Variants in PLCD3 observed in about 807,000 individuals in gnomAD.
PLCD3 encodes phospholipase C delta 3, also known as 1-phosphatidylinositol 4,5-bisphosphate phosphodiesterase delta-3.
Under a neutral mutation model 82.8 loss-of-function variants are expected in PLCD3, and 62 were observed. The observed-to-expected ratio is 0.75, with a 90% CI of 0.61 to 0.93. The LOEUF is 0.93. Among genes scored for constraint, PLCD3 ranks in the 40% least tolerant of loss-of-function variants. PLCD3 has a pLI of 0.00. For missense variants in PLCD3, 1,023 were observed against 1,103.4 expected (o/e 0.93, Z 1.03); for synonymous variants, 478 against 471.8 (o/e 1.01, Z -0.17).
chr17:45,120,243 G>A lies in PLCD3; in HGVS notation c.684+82C>T, dbSNP rs2129731. ...AGCTGCAGGTGGAGAGGGCAGGGGA[G>A]CTGATGATTCAGATGGCTGGGGGCA... On this transcript the variant is annotated intron_variant, in intron 4 of 14. Transcript: ENST00000619929. 10,286 of 1,575,298 alleles carry A rather than the reference G, an allele frequency of 6.5e-3. 543 individuals are homozygous for A. In the African/African-American group the frequency reaches 0.12, roughly 18 times the overall value.
At position 45,116,743 on chromosome 17, in the gene PLCD3, G is replaced by T. The variant is rs369060547; in HGVS notation, c.1302C>A (p.Cys434Ter). The change falls in exon 8 of 15, where the codon TGC (cysteine) becomes TGA (stop). Residue 434 changes from cysteine (C) to a stop codon, truncating the protein, a stop_gained. Transcript: ENST00000619929. LOFTEE classifies it high-confidence loss of function. The stretch of plus-strand genomic sequence containing the variant: ...CCATGGCAGCCTGCTGCTCCAGCCC[G>T]CAGTGGTTCTCCAGGGATAGGATGA... ...YPVILSLENH[C>*]GLEQQAAMAR... 6.2e-7 allele frequency: 1 copy of T among 1,609,102 alleles called. No individual in the cohort carries two copies. The highest frequency in any genetic ancestry group is 1.3e-5 in the African/African-American group (1 of 74,716).
rs1440277715 is a variant in PLCD3 at position 45,112,104 on chromosome 17, C to T, written c.*512G>A. On this transcript the variant is annotated 3_prime_UTR_variant, in exon 15 of 15. Coordinates refer to ENST00000619929, the MANE Select transcript of PLCD3 (RefSeq NM_133373.5). ...TTCATGCCTCAGCGCTCCCTTCTTG[C>T]TTTGAGAAGGGAAGGGGAGCTCAGG... 1 of 157,340 alleles carries T rather than the reference C, an allele frequency of 6.4e-6. No homozygotes were observed. The highest frequency in any genetic ancestry group is 2.4e-5 in the African/African-American group (1 of 41,486). 9.7% of individuals were successfully genotyped at this position (157,340 alleles called of 1,614,324 possible).
chr17:45,112,579 G>T lies in PLCD3; in HGVS notation c.*37C>A. The T allele has an allele frequency of 6.5e-7, 1 of 1,536,722 alleles. No homozygotes were observed. Among genetic ancestry groups the T allele is most frequent in the South Asian group, 1.2e-5 (1 of 84,178 alleles). ...GAGGGCTCTGCAGGGGATGTGGACTGGCACTCGCAGAACCCCAAGGCGAGT... is the reference window on the plus strand; with the variant it reads ...GAGGGCTCTGCAGGGGATGTGGACTTGCACTCGCAGAACCCCAAGGCGAGT... On this transcript the variant is annotated 3_prime_UTR_variant, in exon 15 of 15. Coordinates refer to ENST00000619929, the MANE Select transcript of PLCD3 (RefSeq NM_133373.5).
chr17:45,121,201 G>C lies in PLCD3; in HGVS notation c.325+10C>G. The C allele has an allele frequency of 1.3e-6, 2 of 1,567,366 alleles. No homozygotes were observed. The highest frequency in any genetic ancestry group is 1.7e-6 in the Non-Finnish European group (2 of 1,165,804). On this transcript the variant is annotated intron_variant, in intron 2 of 14. Transcript: ENST00000619929. ...CCTCCCTGTCCGCCCGGCGCTCCCC[G>C]GCCTCTCACAGATGTGCTGCGATGG...
At chr17:45,130,221 C>T (rs1396402596) in intron 1 of PLCD3, among the ~76,000 whole-genome samples, 1 of 152,134 alleles carries the variant, frequency 6.6e-6, no homozygotes, top group Non-Finnish European at 1.5e-5. Flanking sequence ...ATGTAGTTCC[C>T]GAGAGTGTCA....
In PLCD3 at chr17:45,110,609, A is replaced by C. The variant is rs911552292; in HGVS notation, c.*2007T>G. The C allele has an allele frequency of 5.3e-5, 8 of 152,134 alleles. No homozygotes were observed. Among genetic ancestry groups the C allele is most frequent in the African/African-American group, 1.9e-4 (8 of 41,434 alleles). 9.4% of individuals were successfully genotyped at this position (152,134 alleles called of 1,614,324 possible). A position where few individuals can be genotyped will look rare whatever the true frequency, so the allele number is the denominator to read the frequency against. On this transcript the variant is annotated 3_prime_UTR_variant, in exon 15 of 15. Coordinates refer to ENST00000619929, the MANE Select transcript of PLCD3 (RefSeq NM_133373.5). ...GGTGCTCACCTGACCCAGACCCCCC[A>C]GCCAGCCCCTGGCCAGACCTGGCTC...
chr17:45,120,344 T>A lies in PLCD3; in HGVS notation c.665A>T (p.Tyr222Phe). 1 of 1,614,032 alleles carries A rather than the reference T, an allele frequency of 6.2e-7. No individual in the cohort carries two copies. Among genetic ancestry groups the A allele is most frequent in the Non-Finnish European group, 8.5e-7 (1 of 1,179,876 alleles). Residue 222 changes from tyrosine to phenylalanine, a missense_variant, in exon 4 of 15, where the codon TAC becomes TTC. Physicochemically the swap from Tyr to Phe is conservative, Grantham distance 22. Around this residue, in one of 3 missense-constraint regions of PLCD3, gnomAD observed 448 missense variants for 406.3 expected, o/e 1.10. Transcript: ENST00000619929. ...RMVNVDMNDM[Y>F]AYLLFKECDH... Reference sequence around the variant, plus strand: ...GCCCACCTTGAAGAGGAGGTAGGCGTACATGTCGTTCATGTCCACGTTGAC... The same window carrying A: ...GCCCACCTTGAAGAGGAGGTAGGCGAACATGTCGTTCATGTCCACGTTGAC...
At position 45,112,255 on chromosome 17, in the gene PLCD3, G is replaced by T; in HGVS notation, c.*361C>A. ...GGGGAAGGAGGCTGGGATGGCCCAC[G>T]GGAGGACAGAGGGGAACTGAGGGCC... is the stretch of plus-strand genomic sequence containing the variant. On this transcript the variant is annotated 3_prime_UTR_variant, in exon 15 of 15. Transcript: ENST00000619929. The T allele has an allele frequency of 7.4e-6, 2 of 268,840 alleles. No homozygotes were observed. The highest frequency in any genetic ancestry group is 1.5e-5 in the Non-Finnish European group (2 of 137,598). The allele number at this position is 268,840 out of a possible 1,614,324, so 16.7% of individuals were successfully genotyped here.
chr17:45,126,992 TAAA>T (rs1374677498), intron 1 of PLCD3, among the ~76,000 whole-genome samples: 1 of 152,196 alleles, frequency 6.6e-6, no homozygotes, highest in African/African-American at 2.4e-5. Flanking sequence ...AAAATGCTGT[TAAA>T]GAAGCAGACA....
At position 45,118,513 on chromosome 17, in the gene PLCD3, G is replaced by A; in HGVS notation, c.914-21C>T. 1 of 1,613,184 alleles carries A rather than the reference G, an allele frequency of 6.2e-7. No individual in the cohort carries two copies. The highest frequency in any genetic ancestry group is 8.5e-7 in the Non-Finnish European group (1 of 1,179,562). ...CTTGGCTGCAGGGGTGGCAGGAGAG[G>A]GCATCAGGCCACATAGGGATCCCCC... is the stretch of plus-strand genomic sequence containing the variant. On this transcript the variant is annotated intron_variant, in intron 5 of 14. Coordinates refer to ENST00000619929, the MANE Select transcript of PLCD3 (RefSeq NM_133373.5). The surrounding 1 kb of genome is among the most constrained non-coding windows in gnomAD (Gnocchi z 4.1).
In PLCD3 at chr17:45,118,115, C is replaced by T; in HGVS notation, c.1139G>A (p.Cys380Tyr). 1.2e-6 allele frequency: 2 copies of T among 1,613,922 alleles called. No individual in the cohort carries two copies. Among genetic ancestry groups the T allele is most frequent in the Non-Finnish European group, 1.7e-6 (2 of 1,179,854 alleles). The stretch of plus-strand genomic sequence containing the variant: ...CCCCTCCCAGCAGTCCAGCTCCACG[C>T]AGCGGCATCCCTGGGCAAAGGCCCT... ...YVRAFAQGCR[C>Y]VELDCWEGPG... is the part of the protein sequence containing the mutation. Residue 380 changes from cysteine (C) to tyrosine (Y), a missense_variant, in exon 7 of 15, where the codon TGC (cysteine) becomes TAC (tyrosine). This residue lies in a region of PLCD3 where 553 missense variants were observed against 655.7 expected (regional missense o/e 0.84). Coordinates refer to ENST00000619929, the MANE Select transcript of PLCD3 (RefSeq NM_133373.5). The surrounding 1 kb of genome is among the most constrained non-coding windows in gnomAD (Gnocchi z 4.1).
At position 45,118,973 on chromosome 17, in the gene PLCD3, TTCAGCAGCCGCC is replaced by T; in HGVS notation, c.743_754del (p.Arg248_Lys252delinsGln). 3 of 1,611,998 alleles carry T rather than the reference TTCAGCAGCCGCC, an allele frequency of 1.9e-6. No homozygotes were observed. In the South Asian group the frequency reaches 3.3e-5, roughly 18 times the overall value. ...GAAGATCTCCTCCAGCTCCGGCCGC[TTCAGCAGCCGCC>T]GCAGGAACTCCTCGATCTCAGCCCC... On this transcript the variant is annotated inframe_deletion, in exon 5 of 15. Coordinates refer to ENST00000619929, the MANE Select transcript of PLCD3 (RefSeq NM_133373.5). This position sits in a 1 kb window ranked among gnomAD's most constrained non-coding sequence, Gnocchi z 4.1.
chr17:45,129,628 G>T (rs994383131), intron 1 of PLCD3, among the ~76,000 whole-genome samples: 1 of 152,194 alleles, frequency 6.6e-6, no homozygotes, highest in Non-Finnish European at 1.5e-5. Flanking sequence ...AGCACCTCCC[G>T]CACAGGGATG....
chr17:45,112,382 A>G lies in PLCD3; in HGVS notation c.*234T>C, dbSNP rs2054249815. On this transcript the variant is annotated 3_prime_UTR_variant, in exon 15 of 15. Coordinates refer to ENST00000619929, the MANE Select transcript of PLCD3 (RefSeq NM_133373.5). ...GGACAAGAGGAGCTGGGGCCATCTC[A>G]GGGCCCCAGGGTTGGAGCTCACTGA... The G allele has an allele frequency of 5.3e-6, 3 of 561,768 alleles. No individual in the cohort carries two copies. Among genetic ancestry groups the G allele is most frequent in the Non-Finnish European group, 3.2e-6 (1 of 312,810 alleles). 34.8% of individuals were successfully genotyped at this position (561,768 alleles called of 1,614,324 possible).
chr17:45,118,076 G>T lies in PLCD3; in HGVS notation c.1178C>A (p.Pro393His). Residue 393 changes from proline to histidine, a missense_variant, in exon 7 of 15, where the codon CCC becomes CAC. Physicochemically the swap from Pro to His is moderately conservative, Grantham distance 77. Transcript: ENST00000619929. The surrounding 1 kb of genome is among the most constrained non-coding windows in gnomAD (Gnocchi z 4.1). ...GAGGGTATGGCCATGATAGATGACG[G>T]GCTCCCCTCCTGGCCCCTCCCAGCA... is the stretch of plus-strand genomic sequence containing the variant. ...LDCWEGPGGE[P>H]VIYHGHTLTS... is the part of the protein sequence containing the mutation. 2.5e-6 allele frequency: 4 copies of T among 1,613,842 alleles called. No homozygotes were observed. Among genetic ancestry groups the T allele is most frequent in the Non-Finnish European group, 2.5e-6 (3 of 1,179,846 alleles).
At chr17:45,130,846 C>G (rs1004264932) in intron 1 of PLCD3, among the ~76,000 whole-genome samples, 7 of 152,096 alleles carry the variant, frequency 4.6e-5, no homozygotes, top group Non-Finnish European at 1.0e-4. Flanking sequence ...AGCCTCTCCC[C>G]TTTGCCACTC....
At chr17:45,125,932 T>C (rs908246341) in intron 1 of PLCD3, among the ~76,000 whole-genome samples, 6 of 152,326 alleles carry the variant, frequency 3.9e-5, no homozygotes, top group Admixed American at 3.9e-4. Flanking sequence ...TGAAAAAGTT[T>C]TGGAAATAGG....
chr17:45,117,937 C>T (rs994213547), intron 7 of PLCD3, 57 bp downstream of exon 7: 30 of 1,592,638 alleles, frequency 1.9e-5, no homozygotes, highest in Admixed American at 6.9e-5. Flanking sequence ...CATGTGAGTG[C>T]GGACGGAGGT....
Position 45,116,666 on chromosome 17 carries a change from T to C in PLCD3, c.1379A>G (p.Asp460Gly), listed in dbSNP as rs746248697. ...LGDMLVTQAL[D>G]SPNPEELPSP... ...TGGCAGCTCCTCGGGATTTGGGGAG[T>C]CCAGCGCCTGTGTCACCAGCATGTC... The change falls in exon 8 of 15, where the codon GAC (aspartate) becomes GGC (glycine). Residue 460 changes from aspartate (D) to glycine (G), a missense_variant. By Grantham distance (94) the Asp-to-Gly change is moderately conservative. Around this residue, in one of 3 missense-constraint regions of PLCD3, gnomAD observed 553 missense variants for 655.7 expected, o/e 0.84. Transcript: ENST00000619929. 21 of 1,606,912 alleles carry C rather than the reference T, an allele frequency of 1.3e-5. No individual in the cohort carries two copies. The highest frequency in any genetic ancestry group is 4.0e-5 in the African/African-American group (3 of 74,250).
Sources: gnomAD v4.1 joint callset for allele counts (sites outside exome capture counted in the v4.1 genomes callset) on GRCh38, gnomAD v4.1.1 for gene constraint, gnomAD v4.1.1 regional missense constraint, Gnocchi (gnomAD v3.1) non-coding constraint, MANE v1.5 for transcripts, NCBI Gene and HGNC (gene_info 2026-07-23, HGNC 2026-07-21) for gene names.